The following ZSCAN4 variants were observed in gnomAD, a reference collection of about 807,000 sequenced individuals.
ZSCAN4 encodes zinc finger and SCAN domain containing 4, also known as zinc finger and SCAN domain-containing protein 4.
Under a neutral mutation model 18.3 loss-of-function variants are expected in ZSCAN4, and 18 were observed. The ratio of observed to expected loss-of-function variants is 0.98; its 90% CI spans 0.68 to 1.46. The LOEUF (loss-of-function observed/expected upper bound fraction) is 1.46, where lower values mean the gene tolerates loss of function less well. ZSCAN4 is among the 40% of genes most tolerant of loss of function. ZSCAN4 has a pLI of 0.00. For synonymous variants in ZSCAN4, 193 were observed against 180.3 expected (o/e 1.07, Z -0.57); for missense variants, 498 against 511.4 (o/e 0.97, Z 0.25).
At chr19:57,666,128 A>G (rs147377052), upstream of ZSCAN4, among the ~76,000 whole-genome samples, 3,285 of 152,272 alleles carry the variant, frequency 0.022, 132 homozygotes, top group African/African-American at 0.075. Context: ...AAGGAACCAT[A>G]TCAGATCCTT....
exon 3 of ZSCAN4, chr19:57,676,144 G>A (rs1347929083): frequency 6.3e-7 from 1 of 1,598,322 alleles, no homozygotes; most frequent in Admixed American, 1.8e-5. Context: ...TTATTGCTAA[G>A]AATGGCTTTA....
the ZSCAN4 span, among the ~76,000 whole-genome samples, chr19:57,663,707 C>CA: frequency 2.8e-3 from 244 of 87,670 alleles, 1 homozygote; most frequent in East Asian, 0.017. Context: ...CAACCTGTCT[C>CA]AAAAAAAAAA....
Position 57,678,528 on chromosome 19 carries a change from C to CA in ZSCAN4, c.930dup (p.Ser311IlefsTer5), listed in dbSNP as rs1423305701. The CA allele has an allele frequency of 2.5e-6, 4 of 1,614,044 alleles. No individual in the cohort carries two copies. The East Asian group carries it at 6.7e-5, about 27-fold the overall frequency. The stretch of plus-strand genomic sequence containing the variant: ...ACATCAGAAAGGATCCCATGGAGTC[C>CA]AAAAATCATACAAATGTGAAGAATG... On this transcript the variant is annotated frameshift_variant, in exon 5 of 5. Transcript: ENST00000318203. LOFTEE classifies it low-confidence loss of function (END_TRUNC).
chr19:57,660,770 G>T, the ZSCAN4 span, among the ~76,000 whole-genome samples: 2 of 152,010 alleles, frequency 1.3e-5, no homozygotes, highest in Admixed American at 6.6e-5. Flanking sequence ...CTGTTATTCT[G>T]CCTCCCTCCT....
chr19:57,678,137 A>C (rs774040023), intron 4 of ZSCAN4, 29 bp from the exon 5 acceptor site: 4 of 1,602,924 alleles, frequency 2.5e-6, no homozygotes, highest in South Asian at 2.3e-5. Context: ...CTTCTTAAGT[A>C]CAACTTCATT....
At chr19:57,669,785 A>G (rs2360530) in intron 1 of ZSCAN4, among the ~76,000 whole-genome samples, 77,794 of 151,230 alleles carry the variant, frequency 0.51, 20,389 homozygotes, top group Middle Eastern at 0.59. Flanking sequence ...AGAGTTCAGT[A>G]GGGCGGTCAT....
chr19:57,658,472 A>T, the ZSCAN4 span, among the ~76,000 whole-genome samples: 1 of 152,170 alleles, frequency 6.6e-6, no homozygotes. Flanking sequence ...TCCTATTTGT[A>T]TTATACTGCA....
At chr19:57,669,437 TGTTG>T (rs1055497556) in intron 1 of ZSCAN4, among the ~76,000 whole-genome samples, 6 of 140,866 alleles carry the variant, frequency 4.3e-5, no homozygotes, top group Admixed American at 3.5e-4. Context: ...TTTGTTTGTT[TGTTG>T]GTTTTTGAGA....
chr19:57,662,775 G>C, the ZSCAN4 span, among the ~76,000 whole-genome samples: 7 of 152,126 alleles, frequency 4.6e-5, no homozygotes, highest in Admixed American at 3.9e-4. Flanking sequence ...GGCCAGGCTG[G>C]TCTTGAACTA....
At chr19:57,663,978 A>C (rs145683241), upstream of ZSCAN4, among the ~76,000 whole-genome samples, 673 of 151,770 alleles carry the variant, frequency 4.4e-3, 2 homozygotes, top group African/African-American at 0.016. Flanking sequence ...AACACCAAAA[A>C]ACAATTAGCC....
At chr19:57,676,059 C>A in exon 3 of ZSCAN4, 1 of 1,312,580 alleles carries the variant, frequency 7.6e-7, no homozygotes, top group Non-Finnish European at 1.0e-6. Context: ...TTTAAAGAAT[C>A]CACCAACTGT....
intron 2 of ZSCAN4, among the ~76,000 whole-genome samples, chr19:57,675,712 T>C (rs369119752): frequency 5.3e-5 from 8 of 152,376 alleles, no homozygotes; most frequent in Admixed American, 3.3e-4. Flanking sequence ...GTTAACGAAG[T>C]AAATTGCATT....
chr19:57,676,104 T>C (rs752381335), exon 3 of ZSCAN4: 5 of 1,550,942 alleles, frequency 3.2e-6, no homozygotes, highest in African/African-American at 1.4e-5. Context: ...GGCAAGAGAC[T>C]GAATCATCAA....
chr19:57,666,897 T>A (rs1007281401), upstream of ZSCAN4, among the ~76,000 whole-genome samples: 1 of 151,078 alleles, frequency 6.6e-6, no homozygotes, highest in Admixed American at 6.6e-5. Context: ...CTACCAGGTT[T>A]TTATTATTAT....
chr19:57,674,215 T>G (rs1984110331), intron 2 of ZSCAN4, among the ~76,000 whole-genome samples: 1 of 152,230 alleles, frequency 6.6e-6, no homozygotes, highest in Non-Finnish European at 1.5e-5. Flanking sequence ...ATGTGCATGT[T>G]TGTTACAAAA....
At chr19:57,660,249 T>C in the ZSCAN4 span, among the ~76,000 whole-genome samples, 6 of 132,726 alleles carry the variant, frequency 4.5e-5, no homozygotes, top group Non-Finnish European at 9.0e-5. Context: ...AAAGAGTTTA[T>C]ATAGCAGGAA....
exon 3 of ZSCAN4, chr19:57,676,336 G>C: frequency 6.2e-7 from 1 of 1,614,206 alleles, no homozygotes; most frequent in African/African-American, 1.3e-5. Flanking sequence ...GAATTGCAAA[G>C]ACTTTATAGG....
chr19:57,663,707 CAAAAAAAA>C, the ZSCAN4 span, among the ~76,000 whole-genome samples: 1 of 87,812 alleles, frequency 1.1e-5, no homozygotes, highest in Non-Finnish European at 2.3e-5. Flanking sequence ...CAACCTGTCT[CAAAAAAAA>C]AAAAAAAAAA....
At chr19:57,673,628 T>A (rs933269556) in intron 2 of ZSCAN4, among the ~76,000 whole-genome samples, 7 of 152,094 alleles carry the variant, frequency 4.6e-5, no homozygotes, top group Admixed American at 1.3e-4. Context: ...GGAGACCCTG[T>A]CTCAAAATAA....
Sources: allele counts gnomAD v4.1 joint callset (sites outside exome capture counted in the v4.1 genomes callset), GRCh38; gene constraint gnomAD v4.1.1; transcripts MANE v1.5; gene names NCBI Gene and HGNC (gene_info 2026-07-23, HGNC 2026-07-21).